MXRA7: variants seen among roughly 807,000 people sequenced by gnomAD.
MXRA7 encodes matrix-remodeling-associated protein 7.
Under a neutral mutation model 17.4 loss-of-function variants are expected in MXRA7, and 18 were observed. The ratio of observed to expected loss-of-function variants is 1.03; its 90% CI spans 0.71 to 1.53. The LOEUF is 1.53. Among genes scored for constraint, MXRA7 ranks in the 40% most tolerant of loss-of-function variants. MXRA7 has a pLI of 0.00. For missense variants in MXRA7, 141 were observed against 209.3 expected (o/e 0.67, Z 2.01); for synonymous variants, 70 against 101.7 (o/e 0.69, Z 1.87).
chr17:76,700,870 A>G (rs1039399144), intron 1 of MXRA7, among the ~76,000 whole-genome samples: 2 of 152,060 alleles, frequency 1.3e-5, no homozygotes, highest in Admixed American at 1.3e-4. Context: ...GGGCAAGGAC[A>G]TAGAGAGGAG....
chr17:76,683,834 T>C, intron 3 of MXRA7: 1 of 1,608,378 alleles, frequency 6.2e-7, no homozygotes. Flanking sequence ...GTCTAAGAAA[T>C]CAGTGTCCTT....
chr17:76,686,176 G>A (rs1015245212), intron 2 of MXRA7, among the ~76,000 whole-genome samples: 4 of 152,164 alleles, frequency 2.6e-5, no homozygotes, highest in South Asian at 2.1e-4. Flanking sequence ...TTCTAGATGC[G>A]AATTCAGAAC....
intron 1 of MXRA7, among the ~76,000 whole-genome samples, chr17:76,694,570 T>C (rs532131435): frequency 2.0e-5 from 3 of 152,214 alleles, no homozygotes; most frequent in African/African-American, 4.8e-5. Context: ...CTAATAATAA[T>C]TGAATGAATT....
At chr17:76,690,793 G>A (rs2143634036) in intron 1 of MXRA7, among the ~76,000 whole-genome samples, 1 of 152,106 alleles carries the variant, frequency 6.6e-6, no homozygotes, top group East Asian at 1.9e-4. Context: ...CTGCAGTCTT[G>A]ACCTCCAGGG....
Position 76,680,771 on chromosome 17 carries a change from C to G in MXRA7, c.*96G>C. On this transcript the variant is annotated 3_prime_UTR_variant, in exon 4 of 4. Transcript: ENST00000449428. Reference sequence around the variant, plus strand: ...ATGGAGGCAGCATGCACCCTGGGAGCCTGCCCAGACTCCTCTCTGGGGTTT... The same window carrying G: ...ATGGAGGCAGCATGCACCCTGGGAGGCTGCCCAGACTCCTCTCTGGGGTTT... 1.9e-6 allele frequency: 3 copies of G among 1,538,576 alleles called. No homozygotes were observed. The highest frequency in any genetic ancestry group is 4.8e-5 in the East Asian group (2 of 41,560).
rs776480689 is a variant in MXRA7 at position 76,702,873 on chromosome 17, G to GTATATATATATATATATATATACACA, written c.342+7731_342+7732insTGTGTATATATATATATATATATATA. Among the ~76,000 whole-genome samples the GTATATATATATATATATATATACACA allele has an allele frequency of 3.3e-4, 46 of 141,406 alleles. No homozygotes were observed. The East Asian group carries it at 3.8e-3, about 12-fold the overall frequency. 92.8% of individuals were successfully genotyped at this position (141,406 alleles called of 152,430 possible). On this transcript the variant is annotated intron_variant, in intron 1 of 3. Coordinates refer to ENST00000449428, the MANE Select transcript of MXRA7 (RefSeq NM_198530.4). The stretch of plus-strand genomic sequence containing the variant: ...TCTTAAAATAAATATATATATATAC[G>GTATATATATATATATATATATACACA]TATATATATATATATATCTTGAGGA...
chr17:76,688,236 G>C, intron 1 of MXRA7, 60 bp from the exon 2 acceptor site: 2 of 1,607,504 alleles, frequency 1.2e-6, no homozygotes, highest in Non-Finnish European at 1.7e-6. Context: ...GAAGTGGTGG[G>C]GGGGCAGAAG....
downstream of MXRA7, chr17:76,677,206 C>A (rs143268238): frequency 1.2e-3 from 194 of 160,848 alleles, 1 homozygote; most frequent in African/African-American, 4.2e-3. Flanking sequence ...GCAGGAGAGT[C>A]GCTTGAATCA....
intron 1 of MXRA7, among the ~76,000 whole-genome samples, chr17:76,704,500 C>T (rs1434888080): frequency 1.3e-4 from 19 of 149,152 alleles, no homozygotes; most frequent in African/African-American, 4.7e-4. Flanking sequence ...CCACCGCGCC[C>T]GGCCAGCTTT....
In MXRA7 at chr17:76,706,318, TCA is replaced by T. The variant is rs1264428789; in HGVS notation, c.342+4285_342+4286del. ...GCCGTCACAGAGGCCCACGCTGCCA[TCA>T]CAAAGGACCACGCTGCCATCACAGA... On this transcript the variant is annotated intron_variant, in intron 1 of 3. Coordinates refer to ENST00000449428, the MANE Select transcript of MXRA7 (RefSeq NM_198530.4). Among the ~76,000 whole-genome samples the T allele has an allele frequency of 7.6e-5, 7 of 91,870 alleles. 1 individual carries two copies. Among genetic ancestry groups the T allele is most frequent in the African/African-American group, 2.5e-4 (7 of 28,042 alleles). 60.3% of individuals were successfully genotyped at this position (91,870 alleles called of 152,430 possible).
At chr17:76,687,962 G>A (rs915842295) in intron 2 of MXRA7, 151 bp downstream of exon 2, 8 of 789,874 alleles carry the variant, frequency 1.0e-5, no homozygotes, top group East Asian at 2.7e-5. Flanking sequence ...CATCCATGGC[G>A]CCAGACTCTA....
In MXRA7 at chr17:76,685,296, A is replaced by G. The variant is rs1468742828; in HGVS notation, c.407-131T>C. ...CACATCTGGCTATCAGAGACATCTC[A>G]CCCCAGCGCCTATACCCCCTCTCGT... On this transcript the variant is annotated intron_variant, in intron 2 of 3. Transcript: ENST00000449428. 8 of 676,436 alleles carry G rather than the reference A, an allele frequency of 1.2e-5. No individual in the cohort carries two copies. In the East Asian group the frequency reaches 1.8e-4, roughly 16 times the overall value. The allele number at this position is 676,436 out of a possible 1,614,324, so 41.9% of individuals were successfully genotyped here.
chr17:76,691,001 G>A (rs1365409912), intron 1 of MXRA7, among the ~76,000 whole-genome samples: 1 of 152,110 alleles, frequency 6.6e-6, no homozygotes, highest in African/African-American at 2.4e-5. Flanking sequence ...GAATTTCCCG[G>A]GTGACAGGAG....
intron 1 of MXRA7, among the ~76,000 whole-genome samples, chr17:76,692,769 TCTCA>T: frequency 6.6e-6 from 1 of 152,220 alleles, no homozygotes; most frequent in Non-Finnish European, 1.5e-5. Flanking sequence ...CCTTGATATC[TCTCA>T]CTCAGATTCT....
chr17:76,705,895 T>C (rs988415491), intron 1 of MXRA7, among the ~76,000 whole-genome samples: 1 of 152,214 alleles, frequency 6.6e-6, no homozygotes, highest in African/African-American at 2.4e-5. Flanking sequence ...TAAAGTGATA[T>C]AAACAACTGG....
chr17:76,705,973 A>C (rs1225891045), intron 1 of MXRA7, among the ~76,000 whole-genome samples: 1 of 152,192 alleles, frequency 6.6e-6, no homozygotes, highest in East Asian at 1.9e-4. Flanking sequence ...AAGTAGGACC[A>C]CACTGCCATC....
At chr17:76,676,271 A>T (rs1218435669), downstream of MXRA7, 1 of 152,212 alleles carries the variant, frequency 6.6e-6, no homozygotes, top group Non-Finnish European at 1.5e-5. Flanking sequence ...CAAGTTGAGT[A>T]TTTTATTTCT....
intron 2 of MXRA7, among the ~76,000 whole-genome samples, chr17:76,685,534 CCT>C (rs2076382731): frequency 6.6e-6 from 1 of 152,242 alleles, no homozygotes; most frequent in Admixed American, 6.5e-5. Context: ...ACACACCACG[CCT>C]GCCTGGGCTT....
At chr17:76,686,076 T>TC (rs2076392100) in intron 2 of MXRA7, among the ~76,000 whole-genome samples, 1 of 152,108 alleles carries the variant, frequency 6.6e-6, no homozygotes, top group African/African-American at 2.4e-5. Context: ...GCCAGGCCCC[T>TC]CCCCTCTAGC....
Sources: gnomAD v4.1 joint callset for allele counts (sites outside exome capture counted in the v4.1 genomes callset) on GRCh38, gnomAD v4.1.1 for gene constraint, MANE v1.5 for transcripts, NCBI Gene and HGNC (gene_info 2026-07-23, HGNC 2026-07-21) for gene names.